CTAGE1: variants seen among roughly 807,000 people sequenced by gnomAD.
CTAGE1 encodes the protein cTAGE family member 2.
For missense variants in CTAGE1, 963 were observed against 855.9 expected (o/e 1.13, Z -1.56); for synonymous variants, 332 against 302.8 (o/e 1.10, Z -1.00).
rs12961009 is a variant in CTAGE1, at chr18:22,416,842, T to C, written c.970A>G (p.Ile324Val). ...GCTTGTTCAGTCTGAAGATTTTTAA[T>C]ATGCTCTGTAAGCTCTTCCTTTGTT... is the stretch of plus-strand genomic sequence containing the variant. ...DKTKEELTEH[I>V]KNLQTEQASL... The change falls in exon 1 of 1, where the codon ATT (isoleucine) becomes GTT (valine). Residue 324 changes from isoleucine (I) to valine (V), a missense_variant. By Grantham distance (29) the Ile-to-Val change is conservative (BLOSUM62 3). Transcript: ENST00000391403. 0.036 allele frequency: 58,089 copies of C among 1,612,854 alleles called. 1,234 individuals carry two copies. The highest frequency in any genetic ancestry group is 0.06 in the Middle Eastern group (323 of 5,390).
Position 22,414,948 on chromosome 18 carries a change from C to T in CTAGE1, c.*626G>A. ...ACAGAGGAAACACGAATACTTTCTGCTATAAATGTTTTACACTCTCAAAGT... is the reference window on the plus strand; with the variant it reads ...ACAGAGGAAACACGAATACTTTCTGTTATAAATGTTTTACACTCTCAAAGT... On this transcript the variant is annotated 3_prime_UTR_variant, in exon 1 of 1. Coordinates refer to ENST00000391403, the MANE Select transcript of CTAGE1 (RefSeq NM_172241.3). The T allele has an allele frequency of 1.6e-6, 1 of 618,698 alleles. No homozygotes were observed. 38.3% of individuals were successfully genotyped at this position (618,698 alleles called of 1,614,324 possible). A position where few individuals can be genotyped will look rare whatever the true frequency, so the allele number is the denominator to read the frequency against.
Position 22,416,009 on chromosome 18 carries a change from A to G in CTAGE1, c.1803T>C (p.Ala601=), listed in dbSNP as rs557252098. 1.4e-5 allele frequency: 23 copies of G among 1,613,856 alleles called. No individual in the cohort carries two copies. The highest frequency in any genetic ancestry group is 1.9e-5 in the Non-Finnish European group (22 of 1,179,876). The change falls in exon 1 of 1, where the codon GCT becomes GCC. Residue 601 remains alanine, a synonymous_variant. Transcript: ENST00000391403. ...QRQDRFYSNC[A]RLSGPAELRS... ...TGAGTTCTGCTGGTCCAGAGAGTCT[A>G]GCACAATTAGAATAAAATCTGTCTT...
Position 22,415,561 on chromosome 18 carries a change from A to G in CTAGE1, c.*13T>C. 6.4e-7 allele frequency: 1 copy of G among 1,571,408 alleles called. No individual in the cohort carries two copies. The highest frequency in any genetic ancestry group is 8.6e-7 in the Non-Finnish European group (1 of 1,160,066). On this transcript the variant is annotated 3_prime_UTR_variant, in exon 1 of 1. Coordinates refer to ENST00000391403, the MANE Select transcript of CTAGE1 (RefSeq NM_172241.3). ...GAAGTCGGACTCAACCCTGATGGAA[A>G]CTCATTCTACCTTCAGAATGTGGGG... is the stretch of plus-strand genomic sequence containing the variant.
chr18:22,417,821 C>A lies in CTAGE1; in HGVS notation c.-10G>T, dbSNP rs1054167024. On this transcript the variant is annotated 5_prime_UTR_variant, in exon 1 of 1. Transcript: ENST00000391403. ...GAGAATCGGGTCTCATACCTTCAGTCAGTGCTGCCACAACCCTGCGTAGCA... is the reference window on the plus strand; with the variant it reads ...GAGAATCGGGTCTCATACCTTCAGTAAGTGCTGCCACAACCCTGCGTAGCA... 6.2e-7 allele frequency: 1 copy of A among 1,614,090 alleles called. No individual in the cohort carries two copies.
Position 22,417,893 on chromosome 18 carries a change from C to A in CTAGE1, c.-82G>T, listed in dbSNP as rs1432817686. 19 of 1,367,362 alleles carry A rather than the reference C, an allele frequency of 1.4e-5. No homozygotes were observed. The highest frequency in any genetic ancestry group is 1.9e-5 in the Non-Finnish European group (18 of 967,350). The allele number at this position is 1,367,362 out of a possible 1,614,324, so 84.7% of individuals were successfully genotyped here. Reference sequence around the variant, plus strand: ...ATGGCTGAGGGTTAGCCCTAGGCTCCTCCGTAGCGCCAAGGCTGCTCTGGC... The same window carrying A: ...ATGGCTGAGGGTTAGCCCTAGGCTCATCCGTAGCGCCAAGGCTGCTCTGGC... On this transcript the variant is annotated 5_prime_UTR_variant, in exon 1 of 1. It adds an upstream start codon to the 5' untranslated region. Transcript: ENST00000391403.
chr18:22,416,972 T>C lies in CTAGE1; in HGVS notation c.840A>G (p.Lys280=). 6.2e-7 allele frequency: 1 copy of C among 1,614,046 alleles called. No homozygotes were observed. Among genetic ancestry groups the C allele is most frequent in the Non-Finnish European group, 8.5e-7 (1 of 1,179,922 alleles). The change falls in exon 1 of 1, where the codon AAA becomes AAG. Residue 280 remains lysine, a synonymous_variant. Transcript: ENST00000391403. ...EDGAYLDNPP[K]GALKKLIHAA... ...CATGAATCAGTTTCTTCAAAGCTCC[T>C]TTTGGAGGATTATCTAAGTAAGCAC... is the stretch of plus-strand genomic sequence containing the variant.
rs1034466238 is a variant in CTAGE1 at position 22,417,633 on chromosome 18, C to T, written c.179G>A (p.Cys60Tyr). 1 of 1,613,994 alleles carries T rather than the reference C, an allele frequency of 6.2e-7. No individual in the cohort carries two copies. The highest frequency in any genetic ancestry group is 1.3e-5 in the African/African-American group (1 of 75,040). ...AAGGCTAAATTTTTCAAGTAGTTTACATTTTTCTTCAATTAGTCCAGAAAG... is the reference window on the plus strand; with the variant it reads ...AAGGCTAAATTTTTCAAGTAGTTTATATTTTTCTTCAATTAGTCCAGAAAG... ...VALSGLIEEK[C>Y]KLLEKFSLVQ... The change falls in exon 1 of 1, where the codon TGT becomes TAT. Residue 60 changes from cysteine to tyrosine, a missense_variant. By Grantham distance (194) the Cys-to-Tyr change is radical (BLOSUM62 -2). Coordinates refer to ENST00000391403, the MANE Select transcript of CTAGE1 (RefSeq NM_172241.3).
In CTAGE1 at chr18:22,416,128, C is replaced by T. The variant is rs1325408311; in HGVS notation, c.1684G>A (p.Gly562Arg). The T allele has an allele frequency of 6.2e-7, 1 of 1,613,826 alleles. No individual in the cohort carries two copies. The highest frequency in any genetic ancestry group is 1.7e-5 in the Admixed American group (1 of 60,002). Residue 562 changes from glycine to arginine, a missense_variant, in exon 1 of 1, where the codon GGG (glycine) becomes AGG (arginine). Coordinates refer to ENST00000391403, the MANE Select transcript of CTAGE1 (RefSeq NM_172241.3). ...TDPHRAPSDA[G>R]PLAPPWEQDY... ...TGTTCCCACGGAGGTGCCAGGGGCC[C>T]AGCGTCAGAAGGAGCCCTGTGAGGA...
chr18:22,417,311 A>C lies in CTAGE1; in HGVS notation c.501T>G (p.Phe167Leu), dbSNP rs369669896. The C allele has an allele frequency of 1.2e-6, 2 of 1,613,836 alleles. No homozygotes were observed. Among genetic ancestry groups the C allele is most frequent in the Non-Finnish European group, 1.7e-6 (2 of 1,179,874 alleles). The change falls in exon 1 of 1, where the codon TTT becomes TTG. Residue 167 changes from phenylalanine (F) to leucine (L), a missense_variant. Transcript: ENST00000391403. ...VAEAKMTFKR[F>L]QANEERLEIE... ...TCTCCAACCGTTCTTCATTCGCTTGAAATCTCTTGAAGGTCATTTTGGCTT... is the reference window on the plus strand; with the variant it reads ...TCTCCAACCGTTCTTCATTCGCTTGCAATCTCTTGAAGGTCATTTTGGCTT...
Position 22,416,040 on chromosome 18 carries a change from T to C in CTAGE1, c.1772A>G (p.Gln591Arg), listed in dbSNP as rs372467918. 7.4e-6 allele frequency: 12 copies of C among 1,613,826 alleles called. No individual in the cohort carries two copies. The highest frequency in any genetic ancestry group is 4.4e-5 in the South Asian group (4 of 91,072). ...QSYPDSALPP[Q>R]RQDRFYSNCA... ...ATTAGAATAAAATCTGTCTTGCCTT[T>C]GTGGAGGGAGAGCTGAATCAGGATA... Residue 591 changes from glutamine (Q) to arginine (R), a missense_variant, in exon 1 of 1, where the codon CAA becomes CGA. Gln to Arg is a conservative substitution (Grantham distance 43, BLOSUM62 1). Transcript: ENST00000391403.
chr18:22,414,263 C>A lies in CTAGE1; in HGVS notation c.*1311G>T. ...TTTCCACTAGCAAATAGGGCTTTAA[C>A]AGAACAGAAGCATAAAGTAGCTGAG... On this transcript the variant is annotated 3_prime_UTR_variant, in exon 1 of 1. Coordinates refer to ENST00000391403, the MANE Select transcript of CTAGE1 (RefSeq NM_172241.3). 6.2e-6 allele frequency: 1 copy of A among 162,038 alleles called. No individual in the cohort carries two copies. The highest frequency in any genetic ancestry group is 1.3e-5 in the Non-Finnish European group (1 of 74,800). The allele number at this position is 162,038 out of a possible 1,614,324, so 10.0% of individuals were successfully genotyped here.
In CTAGE1 at chr18:22,416,900, G is replaced by C; in HGVS notation, c.912C>G (p.Asn304Lys). ...ASLKTLEGER[N>K]QIYIQLSEVD... Reference sequence around the variant, plus strand: ...CTTCAGATAATTGAATATAAATTTGGTTTCTTTCTCCTTCTAAGGTTTTTA... The same window carrying C: ...CTTCAGATAATTGAATATAAATTTGCTTTCTTTCTCCTTCTAAGGTTTTTA... Residue 304 changes from asparagine (N) to lysine (K), a missense_variant, in exon 1 of 1, where the codon AAC becomes AAG. Asn to Lys is a moderately conservative substitution (Grantham distance 94). Transcript: ENST00000391403. 1 of 1,613,662 alleles carries C rather than the reference G, an allele frequency of 6.2e-7. No individual in the cohort carries two copies. Among genetic ancestry groups the C allele is most frequent in the South Asian group, 1.1e-5 (1 of 91,006 alleles).
Position 22,415,111 on chromosome 18 carries a change from A to T in CTAGE1, c.*463T>A, listed in dbSNP as rs12327453. 1 of 236,542 alleles carries T rather than the reference A, an allele frequency of 4.2e-6. No individual in the cohort carries two copies. The highest frequency in any genetic ancestry group is 2.2e-5 in the African/African-American group (1 of 44,738). The allele number at this position is 236,542 out of a possible 1,614,324, so 14.7% of individuals were successfully genotyped here. The stretch of plus-strand genomic sequence containing the variant: ...ATATTTCTTTTTTTAAATTTTTTAA[A>T]TTTTTTTAATCAACTAAAACTTATT... On this transcript the variant is annotated 3_prime_UTR_variant, in exon 1 of 1. Transcript: ENST00000391403.
rs2034979562 is a variant in CTAGE1 at position 22,413,984 on chromosome 18, T to A, written c.*1590A>T. On this transcript the variant is annotated 3_prime_UTR_variant, in exon 1 of 1. Coordinates refer to ENST00000391403, the MANE Select transcript of CTAGE1 (RefSeq NM_172241.3). ...TCCTCTAGAAAGAGTTCTGTGGATA[T>A]GATACATAGACAGAAATCCAGAAAA... 6.6e-6 allele frequency: 1 copy of A among 152,246 alleles called. No homozygotes were observed. Among genetic ancestry groups the A allele is most frequent in the Non-Finnish European group, 1.5e-5 (1 of 68,056 alleles). 9.4% of individuals were successfully genotyped at this position (152,246 alleles called of 1,614,324 possible).
In CTAGE1 at chr18:22,415,980, C is replaced by T; in HGVS notation, c.1832G>A (p.Ser611Asn). The T allele has an allele frequency of 6.2e-7, 1 of 1,613,946 alleles. No homozygotes were observed. Among genetic ancestry groups the T allele is most frequent in the Non-Finnish European group, 8.5e-7 (1 of 1,179,868 alleles). The change falls in exon 1 of 1, where the codon AGT (serine) becomes AAT (asparagine). Residue 611 changes from serine to asparagine, a missense_variant. Transcript: ENST00000391403. ...ARLSGPAELR[S>N]FNMPSLDKMD... is the part of the protein sequence containing the mutation. ...TTTATCCAAAGAAGGCATATTAAAA[C>T]TTCTGAGTTCTGCTGGTCCAGAGAG...
In CTAGE1 at chr18:22,415,001, A is replaced by G. The variant is rs1598489617; in HGVS notation, c.*573T>C. 39 of 571,938 alleles carry G rather than the reference A, an allele frequency of 6.8e-5. No homozygotes were observed. In the East Asian group the frequency reaches 1.1e-3, roughly 16 times the overall value. 35.4% of individuals were successfully genotyped at this position (571,938 alleles called of 1,614,324 possible). A position where few individuals can be genotyped will look rare whatever the true frequency, so the allele number is the denominator to read the frequency against. Reference sequence around the variant, plus strand: ...TGAAAGAGGATATAAAATCTATAAGACAGGAGATCCAAGATCATCTTGGTT... The same window carrying G: ...TGAAAGAGGATATAAAATCTATAAGGCAGGAGATCCAAGATCATCTTGGTT... On this transcript the variant is annotated 3_prime_UTR_variant, in exon 1 of 1. Coordinates refer to ENST00000391403, the MANE Select transcript of CTAGE1 (RefSeq NM_172241.3).
chr18:22,417,911 G>T lies in CTAGE1; in HGVS notation c.-100C>A. On this transcript the variant is annotated 5_prime_UTR_variant, in exon 1 of 1. Transcript: ENST00000391403. ...TAGGCTCCTCCGTAGCGCCAAGGCTGCTCTGGCGGTTGCTGCAGTAACCTC... is the reference window on the plus strand; with the variant it reads ...TAGGCTCCTCCGTAGCGCCAAGGCTTCTCTGGCGGTTGCTGCAGTAACCTC... 1 of 1,173,444 alleles carries T rather than the reference G, an allele frequency of 8.5e-7. No homozygotes were observed. The highest frequency in any genetic ancestry group is 1.2e-6 in the Non-Finnish European group (1 of 806,350). 72.7% of individuals were successfully genotyped at this position (1,173,444 alleles called of 1,614,324 possible). A position where few individuals can be genotyped will look rare whatever the true frequency, so the allele number is the denominator to read the frequency against.
rs368879841 is a variant in CTAGE1, at chr18:22,417,708, G to A, written c.104C>T (p.Ser35Leu). Residue 35 changes from serine (S) to leucine (L), a missense_variant, in exon 1 of 1, where the codon TCA becomes TTA. Transcript: ENST00000391403. ...AVLFLWRSFR[S>L]VTSRLYVRRE... ...TCTCACATAAAGCCGACTCGTAACT[G>A]ATCTAAAACTTCTCCACAAGAAGAG... 6.2e-7 allele frequency: 1 copy of A among 1,613,986 alleles called. No homozygotes were observed. Among genetic ancestry groups the A allele is most frequent in the African/African-American group, 1.3e-5 (1 of 74,932 alleles).
Position 22,417,892 on chromosome 18 carries a change from C to G in CTAGE1, c.-81G>C, listed in dbSNP as rs2035035945. ...TATGGCTGAGGGTTAGCCCTAGGCT[C>G]CTCCGTAGCGCCAAGGCTGCTCTGG... On this transcript the variant is annotated 5_prime_UTR_variant, in exon 1 of 1. Transcript: ENST00000391403. 2 of 1,393,652 alleles carry G rather than the reference C, an allele frequency of 1.4e-6. No individual in the cohort carries two copies. Among genetic ancestry groups the G allele is most frequent in the Admixed American group, 1.8e-5 (1 of 55,914 alleles). 86.3% of individuals were successfully genotyped at this position (1,393,652 alleles called of 1,614,324 possible). A position where few individuals can be genotyped will look rare whatever the true frequency, so the allele number is the denominator to read the frequency against.
Sources: gnomAD v4.1 joint callset for allele counts on GRCh38, gnomAD v4.1.1 for gene constraint, MANE v1.5 for transcripts, NCBI Gene and HGNC (gene_info 2026-07-23, HGNC 2026-07-21) for gene names.